The following PSMD12 variants were observed in gnomAD, a reference collection of about 807,000 sequenced individuals.
PSMD12 encodes proteasome 26S subunit, non-ATPase 12.
Under a neutral mutation model 62.9 loss-of-function variants are expected in PSMD12, and 8 were observed. The observed-to-expected ratio is 0.13, with a 90% confidence interval of 0.07 to 0.23. The LOEUF is 0.23. Among genes scored for constraint, PSMD12 ranks in the 10% least tolerant of loss-of-function variants. The pLI, the probability that PSMD12 is intolerant of heterozygous loss-of-function variation, is 1.00. For missense variants in PSMD12, 424 were observed against 550.2 expected (o/e 0.77, Z 2.29); for synonymous variants, 173 against 187.4 (o/e 0.92, Z 0.63).
At chr17:67,359,563 C>G (rs747003043) in intron 1 of PSMD12, among the ~76,000 whole-genome samples, 123 of 152,178 alleles carry the variant, frequency 8.1e-4, no homozygotes, top group Non-Finnish European at 1.6e-3. Context: ...TATTAAATAG[C>G]TTCTGAATTA....
intron 1 of PSMD12, among the ~76,000 whole-genome samples, chr17:67,364,425 C>T (rs1048292462): frequency 6.6e-6 from 1 of 152,206 alleles, no homozygotes; most frequent in South Asian, 2.1e-4. Flanking sequence ...ACAACTGTAG[C>T]AGTGAAGTCT....
intron 7 of PSMD12, among the ~76,000 whole-genome samples, chr17:67,346,901 A>G (rs890120299): frequency 2.6e-5 from 4 of 152,212 alleles, no homozygotes; most frequent in Non-Finnish European, 5.9e-5. Flanking sequence ...CACTGTACAC[A>G]TTTTAAACAG....
Position 67,351,378 on chromosome 17 carries a change from C to T in PSMD12, c.298-1042G>A, listed in dbSNP as rs542876676. The stretch of plus-strand genomic sequence containing the variant: ...CTGCACTTCAGCCTGGGAGACAGAT[C>T]GAGACTTGTCTCAAAATAATAATAA... On this transcript the variant is annotated intron_variant, in intron 3 of 10. Transcript: ENST00000356126. 1.1e-4 allele frequency among the ~76,000 whole-genome samples: 14 copies of T among 128,036 alleles called. No homozygotes were observed. In the South Asian group the frequency reaches 3.2e-3, roughly 29 times the overall value. 84.0% of individuals were successfully genotyped at this position (128,036 alleles called of 152,430 possible). A position where few individuals can be genotyped will look rare whatever the true frequency, so the allele number is the denominator to read the frequency against.
At position 67,345,732 on chromosome 17, in the gene PSMD12, CA is replaced by C. The variant is rs779961023; in HGVS notation, c.908+12del. ...CGACTGAGATATATCATGCTAATTT[CA>C]AAAGTACTTACTTGTATTTGGGAAT... On this transcript the variant is annotated intron_variant, in intron 8 of 10. Transcript: ENST00000356126. 3 of 1,580,356 alleles carry C rather than the reference CA, an allele frequency of 1.9e-6. No individual in the cohort carries two copies. In the Admixed American group the frequency reaches 5.0e-5, roughly 26 times the overall value.
chr17:67,350,243 C>A lies in PSMD12; in HGVS notation c.391G>T (p.Val131Phe). The A allele has an allele frequency of 6.2e-7, 1 of 1,608,194 alleles. No homozygotes were observed. The highest frequency in any genetic ancestry group is 8.5e-7 in the Non-Finnish European group (1 of 1,176,956). The change falls in exon 4 of 11, where the codon GTT becomes TTT. Residue 131 changes from valine (V) to phenylalanine (F), a missense_variant. By Grantham distance (50) the Val-to-Phe change is conservative (BLOSUM62 -1). Transcript: ENST00000356126. ...AGAAAATTTACCTTGCCTTCGGTAACCATTCGTAGAGTATCAATTAATCGA... is the reference window on the plus strand; with the variant it reads ...AGAAAATTTACCTTGCCTTCGGTAAACATTCGTAGAGTATCAATTAATCGA... ...KLRLIDTLRM[V>F]TEGKIYVEIE... is the part of the protein sequence containing the mutation.
At chr17:67,360,793 C>A (rs1414937034) in intron 1 of PSMD12, among the ~76,000 whole-genome samples, 2 of 152,228 alleles carry the variant, frequency 1.3e-5, no homozygotes, top group Non-Finnish European at 2.9e-5. Flanking sequence ...CTCACCTGAT[C>A]TGTATTCAGT....
chr17:67,353,508 T>C (rs1218070426), intron 3 of PSMD12, among the ~76,000 whole-genome samples: 1 of 152,150 alleles, frequency 6.6e-6, no homozygotes, highest in East Asian at 1.9e-4. Flanking sequence ...GGTTTCGCCA[T>C]GTTGCCCAGG....
intron 8 of PSMD12, 139 bp from the exon 9 acceptor site, chr17:67,344,919 G>T: frequency 1.4e-6 from 1 of 715,464 alleles, no homozygotes; most frequent in Non-Finnish European, 2.2e-6. Flanking sequence ...TATGATTATT[G>T]TGTATTTTAC....
chr17:67,346,679 T>C (rs1285808274), intron 7 of PSMD12, among the ~76,000 whole-genome samples: 2 of 152,252 alleles, frequency 1.3e-5, no homozygotes, highest in Non-Finnish European at 2.9e-5. Flanking sequence ...AAAACTATTA[T>C]AATAAATCAT....
intron 1 of PSMD12, 72 bp from the exon 2 acceptor site, chr17:67,357,650 T>G (rs937440875): frequency 6.8e-7 from 1 of 1,472,106 alleles, no homozygotes; most frequent in Non-Finnish European, 9.5e-7. Flanking sequence ...AATGAAATGG[T>G]TTTGACACAG....
In PSMD12 at chr17:67,342,090, A is replaced by G. The variant is rs770090592; in HGVS notation, c.1161+96T>C. On this transcript the variant is annotated intron_variant, in intron 10 of 10. Coordinates refer to ENST00000356126, the MANE Select transcript of PSMD12 (RefSeq NM_002816.5). ...AACTATTACTCTATTACCTAAACAT[A>G]AAATTAAATCATAACATTGATTTTC... 6.2e-4 allele frequency: 605 copies of G among 977,508 alleles called. 1 individual carries two copies. The highest frequency in any genetic ancestry group is 1.1e-3 in the Admixed American group (51 of 46,210). The allele number at this position is 977,508 out of a possible 1,614,324, so 60.6% of individuals were successfully genotyped here.
chr17:67,345,545 G>A (rs2041956899), intron 8 of PSMD12, 200 bp downstream of exon 8: 2 of 515,206 alleles, frequency 3.9e-6, no homozygotes, highest in Admixed American at 6.4e-5. Flanking sequence ...GGAAGGTTGA[G>A]GCAGAAGAAT....
At chr17:67,343,033 T>C (rs1231414875) in intron 9 of PSMD12, among the ~76,000 whole-genome samples, 2 of 152,076 alleles carry the variant, frequency 1.3e-5, no homozygotes, top group African/African-American at 4.8e-5. Context: ...TTAAATTTCC[T>C]AATTTCAACT....
At chr17:67,345,388 TCC>T (rs1238649093) in intron 8 of PSMD12, among the ~76,000 whole-genome samples, 4 of 152,222 alleles carry the variant, frequency 2.6e-5, no homozygotes, top group Non-Finnish European at 5.9e-5. Context: ...AAGCCTGTAA[TCC>T]CAGCACTTTG....
At chr17:67,362,340 G>T (rs562385656) in intron 1 of PSMD12, among the ~76,000 whole-genome samples, 1 of 152,256 alleles carries the variant, frequency 6.6e-6, no homozygotes, top group Admixed American at 6.5e-5. Flanking sequence ...CCGACACAGG[G>T]TGCTTACACA....
rs112265087 is a variant in PSMD12, at chr17:67,364,922, G to A, written c.108+1490C>T. ...TTTTTGGCCAGCCGCGGTGGCTCAC[G>A]CCTGTAATCCCAGCACTTTGGCAGG... is the stretch of plus-strand genomic sequence containing the variant. On this transcript the variant is annotated intron_variant, in intron 1 of 10. Coordinates refer to ENST00000356126, the MANE Select transcript of PSMD12 (RefSeq NM_002816.5). Among the ~76,000 whole-genome samples, 5 of 152,228 alleles carry A rather than the reference G, an allele frequency of 3.3e-5. 1 individual carries two copies. The highest frequency in any genetic ancestry group is 1.2e-4 in the African/African-American group (5 of 41,532).
chr17:67,348,472 G>A (rs758946077), intron 5 of PSMD12, 78 bp downstream of exon 5: 31 of 1,152,244 alleles, frequency 2.7e-5, no homozygotes, highest in Non-Finnish European at 2.9e-5. Flanking sequence ...TTGGATAAGG[G>A]ATACTCAACC....
intron 1 of PSMD12, among the ~76,000 whole-genome samples, chr17:67,360,589 T>C (rs909216248): frequency 3.9e-5 from 6 of 152,212 alleles, no homozygotes; most frequent in African/African-American, 1.4e-4. Context: ...TGCAGTTCAG[T>C]GAGCTGCATC....
intron 9 of PSMD12, among the ~76,000 whole-genome samples, chr17:67,343,525 A>C (rs1350146908): frequency 4.6e-5 from 7 of 152,058 alleles, no homozygotes; most frequent in Non-Finnish European, 1.0e-4. Context: ...CTCCTCTTAC[A>C]AACCTCACCT....
Sources: gnomAD v4.1 joint callset for allele counts (sites outside exome capture counted in the v4.1 genomes callset) on GRCh38, gnomAD v4.1.1 for gene constraint, MANE v1.5 for transcripts, NCBI Gene and HGNC (gene_info 2026-07-23, HGNC 2026-07-21) for gene names.